PUS10: variants seen among roughly 807,000 people sequenced by gnomAD.
PUS10 encodes tRNA pseudouridine synthase Pus10.
In PUS10, 59 loss-of-function variants were observed where a neutral mutation model predicts 75.0. The observed-to-expected ratio is 0.79, with a 90% CI of 0.64 to 0.98. PUS10 has a LOEUF of 0.98. Among genes scored for constraint, PUS10 ranks in the 50% least tolerant of loss-of-function variants. PUS10 has a pLI of 0.00. For missense variants in PUS10, 650 were observed against 614.4 expected (o/e 1.06, Z -0.61); for synonymous variants, 219 against 211.6 (o/e 1.03, Z -0.30).
Position 60,953,042 on chromosome 2 carries a change from A to G in PUS10, c.1263T>C (p.Asn421=). ...TKTYSALIWT[N]KAIQKKDIEF... is the part of the protein sequence containing the mutation. ...CAATGTCTTTCTTCTGTATCGCTTT[A>G]TTTGTCCAAATTAAGGCACTGTAGG... Residue 421 remains asparagine (N), a synonymous_variant, in exon 15 of 18, where the codon AAT becomes AAC. Coordinates refer to ENST00000316752, the MANE Select transcript of PUS10 (RefSeq NM_144709.4). 1.2e-6 allele frequency: 2 copies of G among 1,604,978 alleles called. No individual in the cohort carries two copies. The highest frequency in any genetic ancestry group is 1.7e-6 in the Non-Finnish European group (2 of 1,171,670).
At chr2:60,985,699 C>T (rs1677678601) in intron 4 of PUS10, among the ~76,000 whole-genome samples, 1 of 152,058 alleles carries the variant, frequency 6.6e-6, no homozygotes, top group Admixed American at 6.6e-5. Context: ...TGGGGTTTCG[C>T]CATGTTGGCC....
chr2:61,014,339 A>T (rs977402363), intron 1 of PUS10, among the ~76,000 whole-genome samples: 2 of 151,342 alleles, frequency 1.3e-5, no homozygotes, highest in African/African-American at 4.9e-5. Flanking sequence ...AGATCATGCC[A>T]CTTCACTCCA....
chr2:61,008,077 CAAA>C (rs57458107), intron 3 of PUS10, among the ~76,000 whole-genome samples: 2 of 108,304 alleles, frequency 1.8e-5, no homozygotes, highest in African/African-American at 3.5e-5. Context: ...ACTCTGTCTC[CAAA>C]AAAAAAAAAA....
At chr2:60,956,254 T>G (rs561554519) in intron 11 of PUS10, among the ~76,000 whole-genome samples, 1 of 152,336 alleles carries the variant, frequency 6.6e-6, no homozygotes, top group East Asian at 1.9e-4. Context: ...GCAATATCGG[T>G]ATCTTCTAAT....
chr2:60,969,383 G>A (rs1676525864), intron 5 of PUS10, among the ~76,000 whole-genome samples: 1 of 152,090 alleles, frequency 6.6e-6, no homozygotes, highest in African/African-American at 2.4e-5. Context: ...ATACAATTTG[G>A]GCTAAATATC....
chr2:60,960,447 T>C lies in PUS10; in HGVS notation c.945A>G (p.Glu315=), dbSNP rs1291449453. 3.2e-6 allele frequency: 5 copies of C among 1,577,532 alleles called. No homozygotes were observed. The highest frequency in any genetic ancestry group is 4.3e-6 in the Non-Finnish European group (5 of 1,166,290). The change falls in exon 11 of 18, where the codon GAA becomes GAG. Residue 315 remains glutamate (E), a synonymous_variant. Transcript: ENST00000316752. The stretch of plus-strand genomic sequence containing the variant: ...CTGAAATTAATTCTTCCACTGAAGA[T>C]TCCAGCTTCCTTTCTCCATCAATTA... ...PWIIDGERKL[E]SSVEELISDH...
intron 15 of PUS10, among the ~76,000 whole-genome samples, chr2:60,950,322 C>A (rs1484068619): frequency 1.3e-5 from 2 of 152,182 alleles, no homozygotes; most frequent in Admixed American, 1.3e-4. Flanking sequence ...TCCTATGAGT[C>A]ATAGATATAG....
chr2:60,983,416 C>T (rs138915764), intron 4 of PUS10, among the ~76,000 whole-genome samples: 17 of 152,266 alleles, frequency 1.1e-4, no homozygotes, highest in Non-Finnish European at 1.3e-4. Context: ...CGGTGGCTCA[C>T]GCCTGTAATC....
At chr2:61,008,425 A>G (rs1679381004) in intron 3 of PUS10, among the ~76,000 whole-genome samples, 1 of 152,148 alleles carries the variant, frequency 6.6e-6, no homozygotes, top group Non-Finnish European at 1.5e-5. Flanking sequence ...TGGGAGGCGG[A>G]GGCTGCGATG....
rs758501802 is a variant in PUS10, at chr2:61,006,511, C to A, written c.468+46G>T. 5 of 1,315,778 alleles carry A rather than the reference C, an allele frequency of 3.8e-6. No homozygotes were observed. The African/African-American group carries it at 4.4e-5, about 12-fold the overall frequency. The allele number at this position is 1,315,778 out of a possible 1,614,324, so 81.5% of individuals were successfully genotyped here. On this transcript the variant is annotated intron_variant, in intron 4 of 17. Transcript: ENST00000316752. Reference sequence around the variant, plus strand: ...TACATTCCCATTTTTTGAGAAATTCCTAGCATGCACTTCACATACAGTTTT... The same window carrying A: ...TACATTCCCATTTTTTGAGAAATTCATAGCATGCACTTCACATACAGTTTT...
At chr2:61,003,147 G>C (rs1362477718) in intron 4 of PUS10, among the ~76,000 whole-genome samples, 4 of 152,122 alleles carry the variant, frequency 2.6e-5, no homozygotes, top group Non-Finnish European at 5.9e-5. Flanking sequence ...TTAAATTAAT[G>C]CTTTTATAAT....
intron 4 of PUS10, among the ~76,000 whole-genome samples, chr2:61,005,337 T>A (rs1189186790): frequency 6.6e-6 from 1 of 152,218 alleles, no homozygotes; most frequent in African/African-American, 2.4e-5. Flanking sequence ...ATAGTAACAT[T>A]AAGCTAATAT....
chr2:60,944,152 G>A, intron 17 of PUS10: 1 of 845,512 alleles, frequency 1.2e-6, no homozygotes, highest in Non-Finnish European at 1.4e-6. Context: ...ATGATGAGTA[G>A]AGATTTTCTT....
intron 1 of PUS10, among the ~76,000 whole-genome samples, chr2:61,014,094 T>G (rs930947049): frequency 6.8e-6 from 1 of 147,040 alleles, no homozygotes; most frequent in African/African-American, 2.5e-5. Context: ...CAACAAAAGG[T>G]CAGGCGCAGT....
intron 1 of PUS10, chr2:61,017,740 G>T (rs868805865): frequency 3.2e-6 from 5 of 1,546,156 alleles, no homozygotes; most frequent in Admixed American, 2.0e-5. Context: ...AGGAGCGGGA[G>T]CCGAGAGGAG....
intron 14 of PUS10, 98 bp from the exon 15 acceptor site, chr2:60,953,212 T>C (rs1456142090): frequency 1.4e-6 from 1 of 698,590 alleles, no homozygotes; most frequent in Non-Finnish European, 2.5e-6. Context: ...TTACATATAA[T>C]TTCCCAGTTT....
chr2:61,017,789 A>C (rs944982208), intron 1 of PUS10: 4 of 1,550,104 alleles, frequency 2.6e-6, no homozygotes, highest in Non-Finnish European at 3.5e-6. Context: ...CTCCCCCCAA[A>C]CCCTGGGAGA....
intron 4 of PUS10, among the ~76,000 whole-genome samples, chr2:60,980,974 C>G (rs1204537061): frequency 1.3e-5 from 2 of 151,718 alleles, no homozygotes; most frequent in Non-Finnish European, 2.9e-5. Context: ...TCACTGCAAC[C>G]TCTCCTCCTG....
At chr2:60,977,585 G>A (rs1677112612) in intron 4 of PUS10, among the ~76,000 whole-genome samples, 1 of 152,170 alleles carries the variant, frequency 6.6e-6, no homozygotes, top group African/African-American at 2.4e-5. Context: ...GGTAGTTTAA[G>A]AGGAAAATAT....
Sources: allele counts gnomAD v4.1 joint callset (sites outside exome capture counted in the v4.1 genomes callset), GRCh38; gene constraint gnomAD v4.1.1; transcripts MANE v1.5; gene names NCBI Gene and HGNC (gene_info 2026-07-23, HGNC 2026-07-21).